The following ARHGEF1 variants were observed in gnomAD, a reference collection of about 807,000 sequenced individuals.
ARHGEF1 encodes Rho guanine nucleotide exchange factor 1, also known as 115 kDa guanine nucleotide exchange factor.
Under a neutral mutation model 119.7 loss-of-function variants are expected in ARHGEF1, and 40 were observed. The ratio of observed to expected loss-of-function variants is 0.33; its 90% CI spans 0.26 to 0.44. The LOEUF is 0.44. Among genes scored for constraint, ARHGEF1 ranks in the 20% least tolerant of loss-of-function variants. ARHGEF1 has a pLI of 1.00. For synonymous variants in ARHGEF1, 494 were observed against 521.0 expected (o/e 0.95, Z 0.71); for missense variants, 976 against 1,268.3 (o/e 0.77, Z 3.50).
chr19:41,907,583 T>G, downstream of ARHGEF1: 1 of 631,818 alleles, frequency 1.6e-6, no homozygotes, highest in Non-Finnish European at 2.6e-6. Flanking sequence ...TTCATTCATT[T>G]CTTTGTTTGA....
At chr19:41,899,735 C>T (rs893202354) in intron 14 of ARHGEF1, among the ~76,000 whole-genome samples, 4 of 152,052 alleles carry the variant, frequency 2.6e-5, no homozygotes, top group Non-Finnish European at 4.4e-5. Context: ...TCTCGAACGC[C>T]CGCCTCAGCC....
Position 41,903,455 on chromosome 19 carries a change from C to G in ARHGEF1, c.1839+48C>G, listed in dbSNP as rs1555849476. 16 of 1,564,594 alleles carry G rather than the reference C, an allele frequency of 1.0e-5. No homozygotes were observed. The highest frequency in any genetic ancestry group is 3.4e-5 in the South Asian group (3 of 89,438). ...CCCGGGACAGTGGATGGTGTGAGAG[C>G]AGGGGGTGGACCCTACCTCAGCCTG... On this transcript the variant is annotated intron_variant, in intron 19 of 28. Coordinates refer to ENST00000354532, the MANE Select transcript of ARHGEF1 (RefSeq NM_004706.4). The surrounding 1 kb of genome is among the most constrained non-coding windows in gnomAD (Gnocchi z 4.2).
At chr19:41,914,291 C>T (rs901193484) in intron 18 of ARHGEF1, among the ~76,000 whole-genome samples, 29 of 151,094 alleles carry the variant, frequency 1.9e-4, no homozygotes, top group Non-Finnish European at 3.4e-4. Flanking sequence ...TCTGTCTCTC[C>T]GGTCACTTGG....
intron 1 of ARHGEF1, chr19:41,884,388 A>C: frequency 3.2e-6 from 5 of 1,576,576 alleles, no homozygotes; most frequent in South Asian, 1.1e-5. Context: ...AGGTGGACTC[A>C]GGGCGGCTAG....
downstream of ARHGEF1, chr19:41,908,435 G>A (rs1382647282): frequency 2.4e-6 from 3 of 1,231,098 alleles, no homozygotes; most frequent in Non-Finnish European, 3.0e-6. This position sits in a 1 kb window ranked among gnomAD's most constrained non-coding sequence, Gnocchi z 6.7. Flanking sequence ...GGCGCTCGGG[G>A]CCCAGGCCCT....
chr19:41,892,311 C>T lies in ARHGEF1; in HGVS notation c.325-20C>T, dbSNP rs548340205. On this transcript the variant is annotated intron_variant, in intron 5 of 28. Coordinates refer to ENST00000354532, the MANE Select transcript of ARHGEF1 (RefSeq NM_004706.4). The surrounding 1 kb of genome is among the most constrained non-coding windows in gnomAD (Gnocchi z 6.3). Reference sequence around the variant, plus strand: ...AGCACACCAAGTCCTCCTCTTCACCCCATTCTCTCTCTTGAGCAGGTTCTC... The same window carrying T: ...AGCACACCAAGTCCTCCTCTTCACCTCATTCTCTCTCTTGAGCAGGTTCTC... 2 of 1,613,656 alleles carry T rather than the reference C, an allele frequency of 1.2e-6. No individual in the cohort carries two copies. Among genetic ancestry groups the T allele is most frequent in the South Asian group, 2.2e-5 (2 of 91,088 alleles).
Position 41,903,146 on chromosome 19 carries a change from T to C in ARHGEF1, c.1739-161T>C, listed in dbSNP as rs2074632601. On this transcript the variant is annotated intron_variant, in intron 18 of 28. Coordinates refer to ENST00000354532, the MANE Select transcript of ARHGEF1 (RefSeq NM_004706.4). The surrounding 1 kb of genome is among the most constrained non-coding windows in gnomAD (Gnocchi z 4.2). ...CATGTTGCCCAGGCTGGCTTTGAAC[T>C]CCTGGTCTCAAGCTATCCTCCCGCC... Among the ~76,000 whole-genome samples, 2 of 151,830 alleles carry C rather than the reference T, an allele frequency of 1.3e-5. 1 individual carries two copies. Among genetic ancestry groups the C allele is most frequent in the Admixed American group, 1.3e-4 (2 of 15,242 alleles).
chr19:41,898,343 A>T, intron 13 of ARHGEF1, 99 bp from the exon 14 acceptor site: 1 of 1,527,728 alleles, frequency 6.5e-7, no homozygotes, highest in Non-Finnish European at 8.8e-7. Flanking sequence ...GCGGGCATCG[A>T]ATGCCAAGGC....
chr19:41,897,891 TC>T (rs1230571737), intron 13 of ARHGEF1: 2 of 1,285,376 alleles, frequency 1.6e-6, no homozygotes, highest in African/African-American at 3.1e-5. Flanking sequence ...TCTTGGTCTC[TC>T]CTTGTCTCTG....
rs558478452 is a variant in ARHGEF1, at chr19:41,895,538, G to C, written c.1015+52G>C. 2.6e-6 allele frequency: 4 copies of C among 1,532,666 alleles called. No individual in the cohort carries two copies. In the African/African-American group the frequency reaches 4.1e-5, roughly 16 times the overall value. The allele number at this position is 1,532,666 out of a possible 1,614,324, so 94.9% of individuals were successfully genotyped here. ...ATGAGGCCCGGCGATCCAGGGTGGG[G>C]GTGCTGCCTGCCCCCTTGGCACCCC... On this transcript the variant is annotated intron_variant, in intron 12 of 28. Coordinates refer to ENST00000354532, the MANE Select transcript of ARHGEF1 (RefSeq NM_004706.4).
chr19:41,885,297 C>A (rs2074276894), intron 1 of ARHGEF1, among the ~76,000 whole-genome samples: 2 of 152,220 alleles, frequency 1.3e-5, no homozygotes, highest in South Asian at 4.1e-4. Flanking sequence ...ATCCAACTTG[C>A]ACTCCTGCCT....
rs1555849690 is a variant in ARHGEF1 at position 41,904,355 on chromosome 19, C to T, written c.2133C>T (p.Thr711=). ...TGCTGCGGCCCGTGCTGCGGCTCAC[C>T]TCCGCCATGACCCGCGAGGTGGCCA... ...KTMLRPVLRL[T]SAMTREVATD... Residue 711 remains threonine (T), a synonymous_variant, in exon 22 of 29, where the codon ACC becomes ACT. Transcript: ENST00000354532. This position sits in a 1 kb window ranked among gnomAD's most constrained non-coding sequence, Gnocchi z 8.4. The T allele has an allele frequency of 1.3e-6, 2 of 1,591,754 alleles. No homozygotes were observed. Among genetic ancestry groups the T allele is most frequent in the Non-Finnish European group, 8.5e-7 (1 of 1,172,028 alleles).
rs1555847634 is a variant in ARHGEF1, at chr19:41,896,453, G to T, written c.1092G>T (p.Glu364Asp). The change falls in exon 13 of 29, where the codon GAG becomes GAT. Residue 364 changes from glutamate to aspartate, a missense_variant. Glu to Asp is a conservative substitution (Grantham distance 45, BLOSUM62 2). This residue lies in a region of ARHGEF1 where 519 missense variants were observed against 580.9 expected (regional missense o/e 0.89). Coordinates refer to ENST00000354532, the MANE Select transcript of ARHGEF1 (RefSeq NM_004706.4). ...PMSLESLAPPESTDEGAETES... is the reference protein window; with the variant it reads ...PMSLESLAPPDSTDEGAETES... ...GCCTGGAGTCCTTGGCGCCCCCAGA[G>T]AGTACCGACGAGGGGGCCGAAACCG... is the stretch of plus-strand genomic sequence containing the variant. 5 of 1,483,854 alleles carry T rather than the reference G, an allele frequency of 3.4e-6. No individual in the cohort carries two copies. The highest frequency in any genetic ancestry group is 3.6e-6 in the Non-Finnish European group (4 of 1,117,676). 91.9% of individuals were successfully genotyped at this position (1,483,854 alleles called of 1,614,324 possible).
rs782405952 is a variant in ARHGEF1, at chr19:41,892,314, T to C, written c.325-17T>C. ...ACACCAAGTCCTCCTCTTCACCCCA[T>C]TCTCTCTCTTGAGCAGGTTCTCCGG... is the stretch of plus-strand genomic sequence containing the variant. On this transcript the variant is annotated splice_polypyrimidine_tract_variant and intron_variant, in intron 5 of 28. Coordinates refer to ENST00000354532, the MANE Select transcript of ARHGEF1 (RefSeq NM_004706.4). The surrounding 1 kb of genome is among the most constrained non-coding windows in gnomAD (Gnocchi z 6.3). The C allele has an allele frequency of 2.5e-6, 4 of 1,613,636 alleles. No homozygotes were observed. The African/African-American group carries it at 4.0e-5, about 16-fold the overall frequency.
downstream of ARHGEF1, chr19:41,908,238 G>A: frequency 8.1e-7 from 1 of 1,231,734 alleles, no homozygotes; most frequent in South Asian, 4.1e-5. The surrounding 1 kb of genome is among the most constrained non-coding windows in gnomAD (Gnocchi z 6.7). Context: ...TCAGCTGCCG[G>A]TCCCCCCTTT....
chr19:41,884,612 A>AC, intron 1 of ARHGEF1: 1 of 1,362,434 alleles, frequency 7.3e-7, no homozygotes, highest in Non-Finnish European at 1.0e-6. Context: ...AAGACCCGCC[A>AC]CGTCCATGTA....
chr19:41,927,089 T>C (rs2074876171), intron 1 of ARHGEF1, among the ~76,000 whole-genome samples: 1 of 150,122 alleles, frequency 6.7e-6, no homozygotes, highest in South Asian at 2.1e-4. Flanking sequence ...AAGAGAGAGA[T>C]GCTGTGAGAG....
intron 7 of ARHGEF1, 92 bp from the exon 8 acceptor site, chr19:41,893,182 T>C: frequency 6.5e-7 from 1 of 1,541,654 alleles, no homozygotes; most frequent in Non-Finnish European, 8.9e-7. Flanking sequence ...TCCCCCTGCC[T>C]ATCCCAGGAC....
chr19:41,908,824 TCTC>T, downstream of ARHGEF1: 1 of 455,458 alleles, frequency 2.2e-6, no homozygotes, highest in Non-Finnish European at 3.5e-6. This position sits in a 1 kb window ranked among gnomAD's most constrained non-coding sequence, Gnocchi z 6.7. Context: ...CCCAACTCCA[TCTC>T]CTCCCACTCC....
Sources: allele counts gnomAD v4.1 joint callset (sites outside exome capture counted in the v4.1 genomes callset), GRCh38; gene constraint gnomAD v4.1.1; regional missense constraint gnomAD v4.1.1; non-coding constraint Gnocchi (gnomAD v3.1); transcripts MANE v1.5; gene names NCBI Gene and HGNC (gene_info 2026-07-23, HGNC 2026-07-21).